The following PTCH1 variants were observed in gnomAD, a reference collection of about 807,000 sequenced individuals.
The protein encoded by PTCH1 is patched 1.
Under a neutral mutation model 144.6 loss-of-function variants are expected in PTCH1, and 14 were observed. The observed-to-expected ratio is 0.10, with a 90% CI of 0.06 to 0.15. The LOEUF (loss-of-function observed/expected upper bound fraction) is 0.15. Ranked by LOEUF, PTCH1 falls within the 10% of genes least tolerant of loss-of-function variation. The pLI is 1.00. For missense variants in PTCH1, 1,623 were observed against 1,948.3 expected (o/e 0.83, Z 3.14); for synonymous variants, 833 against 793.6 (o/e 1.05, Z -0.83).
At chr9:95,446,730 C>G in intron 23 of PTCH1, 181 bp downstream of exon 23, 1 of 780,536 alleles carries the variant, frequency 1.3e-6, no homozygotes, top group Non-Finnish European at 2.1e-6. Flanking sequence ...GGACTGGTTC[C>G]CCAAGGATGA....
At chr9:95,516,022 C>G (rs1310824819) in intron 1 of PTCH1, among the ~76,000 whole-genome samples, 2 of 152,076 alleles carry the variant, frequency 1.3e-5, no homozygotes, top group African/African-American at 4.8e-5. Flanking sequence ...ACTCTCCGCA[C>G]CAGCCCTTCC....
Position 95,509,206 on chromosome 9 carries a change from G to A in PTCH1, c.-845C>T, listed in dbSNP as rs1017800283. ...CCTTGATTCAATAGATGAGATGGAA[G>A]AAGAAAAAAAAGAACTCTCTCCATT... On this transcript the variant is annotated 5_prime_UTR_variant, in exon 1 of 24. Coordinates refer to ENST00000331920, the MANE Select transcript of PTCH1 (RefSeq NM_000264.5). Among the ~76,000 whole-genome samples the A allele has an allele frequency of 9.6e-5, 13 of 135,416 alleles. No homozygotes were observed. The highest frequency in any genetic ancestry group is 2.7e-4 in the African/African-American group (10 of 36,764). The allele number at this position is 135,416 out of a possible 152,430, so 88.8% of individuals were successfully genotyped here.
chr9:95,469,333 G>T, intron 13 of PTCH1, 180 bp from the exon 14 acceptor site: 1 of 924,958 alleles, frequency 1.1e-6, no homozygotes, highest in Non-Finnish European at 1.7e-6. Flanking sequence ...CTGGTTCATC[G>T]CCTGGTGAAC....
At chr9:95,459,207 C>A (rs772341280) in intron 17 of PTCH1, among the ~76,000 whole-genome samples, 1 of 152,134 alleles carries the variant, frequency 6.6e-6, no homozygotes, top group Non-Finnish European at 1.5e-5. Flanking sequence ...ACCCAATGTG[C>A]CAAAAATCCC....
At chr9:95,496,613 C>T (rs1449843173) in intron 2 of PTCH1, among the ~76,000 whole-genome samples, 1 of 151,648 alleles carries the variant, frequency 6.6e-6, no homozygotes, top group African/African-American at 2.4e-5. Context: ...GATATTTAGC[C>T]CTAATCCCAA....
intron 3 of PTCH1, 162 bp from the exon 4 acceptor site, chr9:95,482,365 C>A: frequency 1.5e-6 from 1 of 671,480 alleles, no homozygotes; most frequent in South Asian, 1.8e-5. Flanking sequence ...AGCAAGCTTG[C>A]TTTAATGAAT....
At chr9:95,514,168 T>G (rs1224422262), upstream of PTCH1, 3 of 152,252 alleles carry the variant, frequency 2.0e-5, no homozygotes, top group East Asian at 1.9e-4. Flanking sequence ...GTTCAGAGCC[T>G]ACTATGAACT....
chr9:95,497,646 G>A (rs1016695099), intron 2 of PTCH1, among the ~76,000 whole-genome samples: 5 of 152,106 alleles, frequency 3.3e-5, no homozygotes, highest in African/African-American at 1.2e-4. Flanking sequence ...TAAAGATGCT[G>A]CTGTGACAAG....
intron 10 of PTCH1, among the ~76,000 whole-genome samples, chr9:95,477,107 C>A (rs1471965521): frequency 2.0e-5 from 3 of 152,238 alleles, no homozygotes; most frequent in African/African-American, 7.2e-5. Context: ...GAATCCAACT[C>A]ATTTAAGCAA....
At chr9:95,485,971 T>C (rs1280413158) in intron 2 of PTCH1, 97 bp from the exon 3 acceptor site, 4 of 1,340,370 alleles carry the variant, frequency 3.0e-6, no homozygotes, top group Non-Finnish European at 4.3e-6. Flanking sequence ...ACACAATAGA[T>C]GAACTCTAGT....
chr9:95,516,044 T>C (rs1375152868), intron 1 of PTCH1, among the ~76,000 whole-genome samples: 1 of 151,984 alleles, frequency 6.6e-6, no homozygotes, highest in African/African-American at 2.4e-5. Context: ...TCACCAGCTC[T>C]GCCTCCGCTG....
At position 95,445,442 on chromosome 9, in the gene PTCH1, CTG is replaced by C. The variant is rs1278459471; in HGVS notation, c.*949_*950del. 4 of 152,156 alleles carry C rather than the reference CTG, an allele frequency of 2.6e-5. No homozygotes were observed. The highest frequency in any genetic ancestry group is 4.4e-5 in the Non-Finnish European group (3 of 68,072). The allele number at this position is 152,156 out of a possible 1,614,324, so 9.4% of individuals were successfully genotyped here. A position where few individuals can be genotyped will look rare whatever the true frequency, so the allele number is the denominator to read the frequency against. On this transcript the variant is annotated 3_prime_UTR_variant, in exon 24 of 24. Coordinates refer to ENST00000331920, the MANE Select transcript of PTCH1 (RefSeq NM_000264.5). Reference sequence around the variant, plus strand: ...ATTCTCTAACACCCACCATGATGAACTGATGTGAGCTCCATACCCTGAGGTTC... The same window carrying C: ...ATTCTCTAACACCCACCATGATGAACATGTGAGCTCCATACCCTGAGGTTC...
At chr9:95,466,983 GCAACTCTTAAAAGTC>G in intron 15 of PTCH1, 118 bp downstream of exon 15, 1 of 995,826 alleles carries the variant, frequency 1.0e-6, no homozygotes, top group Non-Finnish European at 1.5e-6. Flanking sequence ...AGAATCTTGA[GCAACTCTTAAAAGTC>G]CATGAAACAC....
intron 15 of PTCH1, among the ~76,000 whole-genome samples, chr9:95,463,653 G>A (rs1431910646): frequency 6.6e-6 from 1 of 152,154 alleles, no homozygotes; most frequent in Non-Finnish European, 1.5e-5. Context: ...TAATCCTGAA[G>A]AGAGGCTCAC....
chr9:95,495,880 G>A (rs1458102766), intron 2 of PTCH1, among the ~76,000 whole-genome samples: 2 of 152,154 alleles, frequency 1.3e-5, no homozygotes, highest in African/African-American at 4.8e-5. Context: ...CCACTCATCT[G>A]GACCCTGCAT....
rs1207158056 is a variant in PTCH1, at chr9:95,447,110, G to A, written c.4146C>T (p.His1382=). ...GCCCAGGCCCAGGGACAGGCGGCGG[G>A]TGCACGGCGACAGTCACGGAGGCAG... is the stretch of plus-strand genomic sequence containing the variant. ...TASASVTVAV[H]PPPVPGPGRN... is the part of the protein sequence containing the mutation. The change falls in exon 23 of 24, where the codon CAC becomes CAT. Residue 1382 remains histidine, a synonymous_variant. Coordinates refer to ENST00000331920, the MANE Select transcript of PTCH1 (RefSeq NM_000264.5). 2 of 1,613,454 alleles carry A rather than the reference G, an allele frequency of 1.2e-6. No homozygotes were observed. The highest frequency in any genetic ancestry group is 1.3e-5 in the African/African-American group (1 of 74,942).
upstream of PTCH1, chr9:95,514,063 C>T (rs1844262210): frequency 6.6e-6 from 1 of 152,144 alleles, no homozygotes; most frequent in Non-Finnish European, 1.5e-5. Context: ...TTGATTACTC[C>T]AGGTCTAAAT....
Position 95,458,118 on chromosome 9 carries a change from G to A in PTCH1, c.3063C>T (p.Tyr1021=), listed in dbSNP as rs777191105. Residue 1021 remains tyrosine, a synonymous_variant, in exon 18 of 24, where the codon TAC becomes TAT. Transcript: ENST00000331920. The surrounding 1 kb of genome is among the most constrained non-coding windows in gnomAD (Gnocchi z 4.7). The part of the protein sequence containing the change: ...NGYPFLFWEQ[Y]IGLRHWLLLF... ...GCAGCAGCCAGTGGCGGAGGCCGAT[G>A]TACTGCTCCCAGAAGAGGAAGGGGT... The A allele has an allele frequency of 3.1e-6, 5 of 1,614,246 alleles. No homozygotes were observed. The highest frequency in any genetic ancestry group is 4.2e-6 in the Non-Finnish European group (5 of 1,180,040).
intron 2 of PTCH1, among the ~76,000 whole-genome samples, chr9:95,486,693 C>T (rs570127281): frequency 1.3e-5 from 2 of 152,250 alleles, no homozygotes; most frequent in South Asian, 2.1e-4. Flanking sequence ...GAGCAGGTGA[C>T]CAAAGAAAAC....
Sources: gnomAD v4.1 joint callset for allele counts (sites outside exome capture counted in the v4.1 genomes callset) on GRCh38, gnomAD v4.1.1 for gene constraint, Gnocchi (gnomAD v3.1) non-coding constraint, MANE v1.5 for transcripts, NCBI Gene and HGNC (gene_info 2026-07-23, HGNC 2026-07-21) for gene names.